Variants in RELCH observed in about 807,000 individuals in gnomAD.
RELCH encodes the protein RAB11-binding protein RELCH.
Under a neutral mutation model 150.3 loss-of-function variants are expected in RELCH, and 41 were observed. That is an observed-to-expected ratio of 0.27 (90% CI 0.21 to 0.35). RELCH has a LOEUF of 0.35. Among genes scored for constraint, RELCH ranks in the 10% least tolerant of loss-of-function variants. RELCH has a pLI of 1.00. For synonymous variants in RELCH, 478 were observed against 531.8 expected, an observed-to-expected ratio of 0.90 and a Z score of 1.39; for missense variants, 1,092 against 1,467.8, an observed-to-expected ratio of 0.74 and a Z score of 4.18.
Position 62,260,527 on chromosome 18 carries a change from C to T in RELCH, c.2203-984C>T, listed in dbSNP as rs562937252. Among the ~76,000 whole-genome samples, 6 of 151,930 alleles carry T rather than the reference C, an allele frequency of 3.9e-5. No homozygotes were observed. In the East Asian group the frequency reaches 1.2e-3, roughly 29 times the overall value. ...CAGAAATACCTGTAATCCACCAATC[C>T]CACCACTGGGTATATATCTAAAAGA... On this transcript the variant is annotated intron_variant, in intron 15 of 28. Coordinates refer to ENST00000644646, the MANE Select transcript of RELCH (RefSeq NM_001346231.2).
intron 1 of RELCH, among the ~76,000 whole-genome samples, chr18:62,190,910 C>T (rs1309115297): frequency 6.6e-6 from 1 of 152,196 alleles, no homozygotes; most frequent in Non-Finnish European, 1.5e-5. Flanking sequence ...CATAATTGCC[C>T]CAGTTGAGAA....
chr18:62,251,110 T>C (rs1213464474), intron 11 of RELCH, among the ~76,000 whole-genome samples: 1 of 152,208 alleles, frequency 6.6e-6, no homozygotes, highest in Non-Finnish European at 1.5e-5. Flanking sequence ...CAAATGAAGA[T>C]AATGTATTAG....
rs974491058 is a variant in RELCH at position 62,187,691 on chromosome 18, C to T, written c.186C>T (p.Ala62=). Residue 62 remains alanine (A), a synonymous_variant, in exon 1 of 29, where the codon GCC becomes GCT. Coordinates refer to ENST00000644646, the MANE Select transcript of RELCH (RefSeq NM_001346231.2). The part of the protein sequence containing the change: ...AGSLSPQDPV[A]LGSSARPGLP... The stretch of plus-strand genomic sequence containing the variant: ...CGCTGTCGCCACAGGATCCCGTGGC[C>T]TTAGGAAGCAGTGCGCGGCCAGGGC... The T allele has an allele frequency of 6.3e-7, 1 of 1,590,902 alleles. No individual in the cohort carries two copies. Among genetic ancestry groups the T allele is most frequent in the Non-Finnish European group, 8.6e-7 (1 of 1,165,314 alleles).
chr18:62,236,212 T>C lies in RELCH; in HGVS notation c.1620+3785T>C, dbSNP rs1004443424. Among the ~76,000 whole-genome samples, 6 of 152,164 alleles carry C rather than the reference T, an allele frequency of 3.9e-5. No homozygotes were observed. In the South Asian group the frequency reaches 6.2e-4, roughly 16 times the overall value. On this transcript the variant is annotated intron_variant, in intron 10 of 28. Transcript: ENST00000644646. ...TTTTCTGCATCTGTTGAGATGATAA[T>C]GCGATTTTTCCCCTTTCGTTCTACT...
chr18:62,229,906 A>C lies in RELCH; in HGVS notation c.1449-1288A>C, dbSNP rs181263671. Among the ~76,000 whole-genome samples the C allele has an allele frequency of 1.1e-3, 175 of 152,210 alleles. 1 individual carries two copies. The highest frequency in any genetic ancestry group is 6.6e-4 in the Non-Finnish European group (45 of 67,984). On this transcript the variant is annotated intron_variant, in intron 8 of 28. Transcript: ENST00000644646. ...TTGGAGAAGTAAGCAAAGTCTAAGAAGTCATGTAAGCTTGCGTTAATTCAT... is the reference window on the plus strand; with the variant it reads ...TTGGAGAAGTAAGCAAAGTCTAAGACGTCATGTAAGCTTGCGTTAATTCAT...
chr18:62,211,235 A>C lies in RELCH; in HGVS notation c.609A>C (p.Lys203Asn). 2 of 1,595,674 alleles carry C rather than the reference A, an allele frequency of 1.3e-6. No individual in the cohort carries two copies. Among genetic ancestry groups the C allele is most frequent in the Non-Finnish European group, 8.6e-7 (1 of 1,164,200 alleles). Residue 203 changes from lysine to asparagine, a missense_variant, in exon 2 of 29, where the codon AAA becomes AAC. Physicochemically the swap from Lys to Asn is moderately conservative, Grantham distance 94 (BLOSUM62 0). This residue lies in a region of RELCH where 190 missense variants were observed against 276.2 expected (regional missense o/e 0.69). Transcript: ENST00000644646. ...SDDGNRETDEKVAVLEFELRK... is the reference protein window; with the variant it reads ...SDDGNRETDENVAVLEFELRK... ...ATGGTAACAGGGAAACAGATGAAAA[A>C]GTGGCAGGTGAGTAAAATTGTAAGG... is the stretch of plus-strand genomic sequence containing the variant.
In RELCH at chr18:62,228,563, A is replaced by G. The variant is rs1282406167; in HGVS notation, c.1413A>G (p.Ser471=). The change falls in exon 8 of 29, where the codon TCA becomes TCG. Residue 471 remains serine, a synonymous_variant. Transcript: ENST00000644646. ...EREGMPPSSL[S]SKKTVHFDKP... is the part of the protein sequence containing the mutation. Reference sequence around the variant, plus strand: ...AAGGAATGCCACCTTCTTCTCTATCAAGTAAAAAGACAGTTCATTTTGATA... The same window carrying G: ...AAGGAATGCCACCTTCTTCTCTATCGAGTAAAAAGACAGTTCATTTTGATA... 6 of 1,612,292 alleles carry G rather than the reference A, an allele frequency of 3.7e-6. No homozygotes were observed. Among genetic ancestry groups the G allele is most frequent in the Non-Finnish European group, 5.1e-6 (6 of 1,179,154 alleles).
At chr18:62,213,729 C>CAA (rs5825484) in intron 2 of RELCH, among the ~76,000 whole-genome samples, 13,773 of 79,974 alleles carry the variant, frequency 0.17, 2,065 homozygotes, top group Middle Eastern at 0.27. Context: ...GACTCAGTCT[C>CAA]AAAAAAAAAA....
rs113736196 is a variant in RELCH, at chr18:62,266,353, T to C, written c.2632-348T>C. The stretch of plus-strand genomic sequence containing the variant: ...TAATTCTAACCATGTAATATCTACC[T>C]AAATAATCCTTCTATAACCAAGTTC... On this transcript the variant is annotated intron_variant, in intron 18 of 28. Coordinates refer to ENST00000644646, the MANE Select transcript of RELCH (RefSeq NM_001346231.2). 5.6e-3 allele frequency among the ~76,000 whole-genome samples: 856 copies of C among 152,032 alleles called. 15 individuals are homozygous for C. The highest frequency in any genetic ancestry group is 0.052 in the East Asian group (269 of 5,174).
intron 24 of RELCH, among the ~76,000 whole-genome samples, chr18:62,281,453 C>T (rs547543709): frequency 6.6e-6 from 1 of 151,544 alleles, no homozygotes; most frequent in Non-Finnish European, 1.5e-5. Flanking sequence ...GGCAGACCCT[C>T]TGTCATGCCT....
At chr18:62,213,017 CAT>C (rs2040261153) in intron 2 of RELCH, among the ~76,000 whole-genome samples, 1 of 152,156 alleles carries the variant, frequency 6.6e-6, no homozygotes, top group Admixed American at 6.5e-5. Flanking sequence ...CATGTCAAAT[CAT>C]GGTTGAGTTA....
At chr18:62,290,197 C>A (rs2045040642) in intron 26 of RELCH, among the ~76,000 whole-genome samples, 1 of 152,112 alleles carries the variant, frequency 6.6e-6, no homozygotes, top group African/African-American at 2.4e-5. Flanking sequence ...ATTTTTTCAA[C>A]TAAGTCATCT....
In RELCH at chr18:62,226,786, A is replaced by G. The variant is rs531329231; in HGVS notation, c.859-503A>G. Among the ~76,000 whole-genome samples, 51 of 152,288 alleles carry G rather than the reference A, an allele frequency of 3.3e-4. 1 individual carries two copies. Among genetic ancestry groups the G allele is most frequent in the Admixed American group, 8.5e-4 (13 of 15,284 alleles). ...CTAGAAGGTCAGGAAACTTACAAGA[A>G]TAATATTGGATACTGGAAAGTGTAA... On this transcript the variant is annotated intron_variant, in intron 5 of 28. Transcript: ENST00000644646.
intron 23 of RELCH, chr18:62,280,304 C>A: frequency 7.0e-7 from 1 of 1,425,772 alleles, no homozygotes; most frequent in South Asian, 1.2e-5. Flanking sequence ...ACAGCTAACC[C>A]AGTTCTTATT....
At chr18:62,239,939 T>G (rs2042059270) in intron 10 of RELCH, among the ~76,000 whole-genome samples, 1 of 152,012 alleles carries the variant, frequency 6.6e-6, no homozygotes, top group Non-Finnish European at 1.5e-5. Context: ...TACCCTAATT[T>G]TCACATTATA....
At chr18:62,286,989 A>G (rs1411165176) in intron 25 of RELCH, among the ~76,000 whole-genome samples, 1 of 152,172 alleles carries the variant, frequency 6.6e-6, no homozygotes, top group Non-Finnish European at 1.5e-5. Context: ...TTTTATGGAG[A>G]AACTTAACTG....
At chr18:62,200,964 C>CTTTTTTTTTTT (rs543882947) in intron 1 of RELCH, among the ~76,000 whole-genome samples, 1 of 55,000 alleles carries the variant, frequency 1.8e-5, no homozygotes, top group Non-Finnish European at 3.1e-5. Context: ...TTTTTCTTTG[C>CTTTTTTTTTTT]TTTTTTTTTT....
At position 62,198,718 on chromosome 18, in the gene RELCH, T is replaced by C. The variant is rs1374891766; in HGVS notation, c.526+10687T>C. Among the ~76,000 whole-genome samples, 5 of 152,230 alleles carry C rather than the reference T, an allele frequency of 3.3e-5. No homozygotes were observed. The East Asian group carries it at 9.6e-4, about 29-fold the overall frequency. ...TTATTCATTCATAGTTATTTATTCA[T>C]GTCATTCTAGCTAAAGCCTTTTAAA... is the stretch of plus-strand genomic sequence containing the variant. On this transcript the variant is annotated intron_variant, in intron 1 of 28. Coordinates refer to ENST00000644646, the MANE Select transcript of RELCH (RefSeq NM_001346231.2).
chr18:62,224,126 A>G (rs1343975850), intron 5 of RELCH, among the ~76,000 whole-genome samples: 1 of 152,002 alleles, frequency 6.6e-6, no homozygotes, highest in Non-Finnish European at 1.5e-5. Flanking sequence ...CCAGCCCCTC[A>G]TGCCCCAACA....
Sources: gnomAD v4.1 joint callset for allele counts (sites outside exome capture counted in the v4.1 genomes callset) on GRCh38, gnomAD v4.1.1 for gene constraint, gnomAD v4.1.1 regional missense constraint, MANE v1.5 for transcripts, NCBI Gene and HGNC (gene_info 2026-07-23, HGNC 2026-07-21) for gene names.